Variants in NYAP2 observed in about 807,000 individuals in gnomAD.
NYAP2 encodes neuronal tyrosine-phosphorylated phosphoinositide-3-kinase adaptor 2.
A neutral mutation model predicts 50.4 loss-of-function variants in NYAP2; 23 were observed. The observed-to-expected ratio is 0.46, with a 90% CI of 0.33 to 0.65. NYAP2 has a LOEUF of 0.65. Among genes scored for constraint, NYAP2 ranks in the 30% least tolerant of loss-of-function variants. NYAP2 has a pLI of 0.02. For missense variants in NYAP2, 885 were observed against 861.0 expected, an observed-to-expected ratio of 1.03 and a Z score of -0.35; for synonymous variants, 394 against 365.2, an observed-to-expected ratio of 1.08 and a Z score of -0.90.
chr2:225,441,010 C>T (rs1689461440), intron 3 of NYAP2, among the ~76,000 whole-genome samples: 1 of 152,148 alleles, frequency 6.6e-6, no homozygotes, highest in Non-Finnish European at 1.5e-5. Context: ...ACATTCTGTG[C>T]ACTGATCTAC....
At chr2:225,460,495 G>T (rs2106153511) in intron 3 of NYAP2, among the ~76,000 whole-genome samples, 1 of 152,204 alleles carries the variant, frequency 6.6e-6, no homozygotes, top group African/African-American at 2.4e-5. Flanking sequence ...CTCTAATCTT[G>T]ATATTTCTCT....
chr2:225,666,318 GT>G, the NYAP2 span, among the ~76,000 whole-genome samples: 2 of 152,120 alleles, frequency 1.3e-5, no homozygotes, highest in Non-Finnish European at 2.9e-5. Flanking sequence ...GACAAAAAGA[GT>G]CAAACTCTGT....
chr2:225,525,317 T>C (rs1221599762), intron 4 of NYAP2, among the ~76,000 whole-genome samples: 1 of 152,146 alleles, frequency 6.6e-6, no homozygotes, highest in African/African-American at 2.4e-5. Context: ...ATTACACACT[T>C]GTATGTTTAT....
chr2:225,496,250 A>G (rs536510685), intron 3 of NYAP2, among the ~76,000 whole-genome samples: 4 of 152,260 alleles, frequency 2.6e-5, no homozygotes, highest in Admixed American at 6.5e-5. Context: ...AGAGGGAGTG[A>G]GGTTACTGGT....
At chr2:225,550,473 T>C (rs1691653580) in intron 4 of NYAP2, among the ~76,000 whole-genome samples, 1 of 152,186 alleles carries the variant, frequency 6.6e-6, no homozygotes, top group African/African-American at 2.4e-5. Flanking sequence ...TCAGACGTGG[T>C]GGAGGCGTAA....
At chr2:225,532,487 T>A (rs1691275050) in intron 4 of NYAP2, among the ~76,000 whole-genome samples, 1 of 152,174 alleles carries the variant, frequency 6.6e-6, no homozygotes, top group Admixed American at 6.5e-5. Context: ...TGTATTAAAT[T>A]AAGTGGTCTA....
rs374574239 is a variant in NYAP2, at chr2:225,476,210, G to A, written c.222-37161G>A. ...GGGCGGATCACGAGGTCAGGAGATG[G>A]AGACCATCCTGGCTAACACGATGAA... On this transcript the variant is annotated intron_variant, in intron 3 of 6. Coordinates refer to ENST00000636099, the Ensembl canonical transcript of NYAP2. Among the ~76,000 whole-genome samples, 35 of 152,214 alleles carry A rather than the reference G, an allele frequency of 2.3e-4. No individual in the cohort carries two copies. In the East Asian group the frequency reaches 2.3e-3, roughly 10 times the overall value.
chr2:225,498,997 A>G (rs1221315218), intron 3 of NYAP2, among the ~76,000 whole-genome samples: 1 of 152,218 alleles, frequency 6.6e-6, no homozygotes, highest in East Asian at 1.9e-4. Flanking sequence ...ATTAGATTTG[A>G]AAATCACGTG....
At chr2:225,559,028 GT>G (rs1381103241) in intron 4 of NYAP2, among the ~76,000 whole-genome samples, 2 of 152,008 alleles carry the variant, frequency 1.3e-5, no homozygotes, top group Non-Finnish European at 2.9e-5. Flanking sequence ...TGGAGAAATT[GT>G]TTTTATTATA....
At chr2:225,428,772 G>A (rs2106132089) in intron 3 of NYAP2, among the ~76,000 whole-genome samples, 1 of 152,298 alleles carries the variant, frequency 6.6e-6, no homozygotes, top group African/African-American at 2.4e-5. Flanking sequence ...CTGTGGTTGA[G>A]TTCTTTGGAT....
At chr2:225,543,632 A>C (rs1294956792) in intron 4 of NYAP2, among the ~76,000 whole-genome samples, 1 of 151,978 alleles carries the variant, frequency 6.6e-6, no homozygotes, top group Non-Finnish European at 1.5e-5. Flanking sequence ...AAAATGCTAG[A>C]TATTATTTCA....
chr2:225,515,203 C>T (rs367593019), intron 4 of NYAP2, among the ~76,000 whole-genome samples: 101 of 152,266 alleles, frequency 6.6e-4, no homozygotes, highest in African/African-American at 2.3e-3. Flanking sequence ...GCAAAAAATG[C>T]CTTGCATGTA....
intron 3 of NYAP2, among the ~76,000 whole-genome samples, chr2:225,460,282 TA>T (rs1261486383): frequency 1.3e-5 from 2 of 152,244 alleles, no homozygotes; most frequent in African/African-American, 4.8e-5. Flanking sequence ...ATATGTATTT[TA>T]GGTGACAGTT....
chr2:225,473,436 G>C (rs1690047751), intron 3 of NYAP2, among the ~76,000 whole-genome samples: 1 of 152,192 alleles, frequency 6.6e-6, no homozygotes, highest in African/African-American at 2.4e-5. Flanking sequence ...CAGTGTAAAA[G>C]TGTTCTTATT....
chr2:225,592,584 G>A (rs1032478002), intron 5 of NYAP2, among the ~76,000 whole-genome samples: 2 of 152,252 alleles, frequency 1.3e-5, no homozygotes, highest in Admixed American at 6.5e-5. Flanking sequence ...TCAGGATGAG[G>A]TTAAATAGAG....
the NYAP2 span, among the ~76,000 whole-genome samples, chr2:225,676,771 G>A: frequency 1.3e-5 from 2 of 152,030 alleles, no homozygotes; most frequent in Non-Finnish European, 2.9e-5. Flanking sequence ...GGGACACAGA[G>A]CCAAACTATA....
chr2:225,486,874 A>G (rs1358030689), intron 3 of NYAP2, among the ~76,000 whole-genome samples: 2 of 152,212 alleles, frequency 1.3e-5, no homozygotes, highest in Non-Finnish European at 2.9e-5. Flanking sequence ...GCTATTCCCT[A>G]GAATTCCCTA....
the NYAP2 span, among the ~76,000 whole-genome samples, chr2:225,681,197 C>G: frequency 6.6e-6 from 1 of 152,168 alleles, no homozygotes; most frequent in African/African-American, 2.4e-5. Flanking sequence ...CTCTGCCATT[C>G]CTGAGAAACT....
At chr2:225,507,951 A>G (rs1215523003) in intron 3 of NYAP2, among the ~76,000 whole-genome samples, 1 of 152,218 alleles carries the variant, frequency 6.6e-6, no homozygotes, top group Non-Finnish European at 1.5e-5. Context: ...TCCAGTGCAC[A>G]AATGTCCAGG....
Sources: gnomAD v4.1 joint callset for allele counts (sites outside exome capture counted in the v4.1 genomes callset) on GRCh38, gnomAD v4.1.1 for gene constraint, MANE v1.5 for transcripts, NCBI Gene and HGNC (gene_info 2026-07-23, HGNC 2026-07-21) for gene names.